The following FKBP1A variants were observed in gnomAD, a reference collection of about 807,000 sequenced individuals.
FKBP1A encodes the protein FKBP prolyl isomerase 1A.
In FKBP1A, 5 loss-of-function variants were observed where a neutral mutation model predicts 14.2. The ratio of observed to expected loss-of-function variants is 0.35; its 90% CI spans 0.18 to 0.74. FKBP1A has a LOEUF of 0.74. FKBP1A is among the 30% of genes least tolerant of loss of function. FKBP1A has a pLI of 0.56. For missense variants in FKBP1A, 53 were observed against 138.8 expected (o/e 0.38, Z 3.10); for synonymous variants, 42 against 49.1 (o/e 0.86, Z 0.60).
rs1051330018 is a variant in FKBP1A, at chr20:1,379,785, G to C, written c.86-4182C>G. On this transcript the variant is annotated intron_variant, in intron 2 of 4. Transcript: ENST00000400137. This position sits in a 1 kb window ranked among gnomAD's most constrained non-coding sequence, Gnocchi z 4.3. ...AGCTAAACAATAATCCCCCGAAATG[G>C]GTGGGGTGGTATGTGATTAAGTGGG... Among the ~76,000 whole-genome samples, 2 of 152,136 alleles carry C rather than the reference G, an allele frequency of 1.3e-5. No individual in the cohort carries two copies. The highest frequency in any genetic ancestry group is 4.8e-5 in the African/African-American group (2 of 41,440).
At chr20:1,385,479 T>A (rs990864568) in intron 2 of FKBP1A, among the ~76,000 whole-genome samples, 1 of 152,126 alleles carries the variant, frequency 6.6e-6, no homozygotes, top group Non-Finnish European at 1.5e-5. Context: ...GTTAAAGGCA[T>A]GAGTTCTGGA....
intron 3 of FKBP1A, among the ~76,000 whole-genome samples, chr20:1,374,044 A>G (rs2089505361): frequency 6.6e-6 from 1 of 152,226 alleles, no homozygotes; most frequent in Non-Finnish European, 1.5e-5. Flanking sequence ...GAAGTAGAGC[A>G]ATGTGTATTC....
Position 1,392,992 on chromosome 20 carries a change from C to T in FKBP1A, c.7G>A (p.Val3Met). The change falls in exon 1 of 5, where the codon GTG becomes ATG. Residue 3 changes from valine to methionine, a missense_variant. Physicochemically the swap from Val to Met is conservative, Grantham distance 21 (BLOSUM62 1). Coordinates refer to ENST00000400137, the MANE Select transcript of FKBP1A (RefSeq NM_000801.5). Reference protein sequence around the residue: MGVQVETISPGDG... With the variant: MGMQVETISPGDG... ...CCTGGGGAGATGGTTTCCACCTGCACTCCCATGGCGGCGGCGGACGCTGAG... is the reference window on the plus strand; with the variant it reads ...CCTGGGGAGATGGTTTCCACCTGCATTCCCATGGCGGCGGCGGACGCTGAG... 1 of 1,477,636 alleles carries T rather than the reference C, an allele frequency of 6.8e-7. No homozygotes were observed. Among genetic ancestry groups the T allele is most frequent in the Non-Finnish European group, 8.9e-7 (1 of 1,120,158 alleles). The allele number at this position is 1,477,636 out of a possible 1,614,324, so 91.5% of individuals were successfully genotyped here.
At chr20:1,391,190 G>C (rs1339767639) in intron 2 of FKBP1A, among the ~76,000 whole-genome samples, 1 of 152,180 alleles carries the variant, frequency 6.6e-6, no homozygotes, top group African/African-American at 2.4e-5. Flanking sequence ...GTACAAGCTA[G>C]GGTGGGGAGG....
chr20:1,376,257 G>A (rs1027633802), intron 2 of FKBP1A, among the ~76,000 whole-genome samples: 12 of 152,348 alleles, frequency 7.9e-5, no homozygotes, highest in African/African-American at 2.9e-4. Flanking sequence ...ACACCAACAG[G>A]GAACCTGGGG....
chr20:1,383,541 G>A (rs2089638726), intron 2 of FKBP1A, among the ~76,000 whole-genome samples: 2 of 152,082 alleles, frequency 1.3e-5, no homozygotes. Context: ...CTGCGGAGGA[G>A]GCTCATGCCT....
chr20:1,389,045 AT>A (rs908255731), intron 2 of FKBP1A, among the ~76,000 whole-genome samples: 1 of 151,946 alleles, frequency 6.6e-6, no homozygotes, highest in African/African-American at 2.4e-5. Flanking sequence ...TTAAAATGCC[AT>A]TTTTTTCAGA....
At chr20:1,371,226 C>T (rs2089460040) in intron 4 of FKBP1A, 1 of 984,446 alleles carries the variant, frequency 1.0e-6, no homozygotes, top group Middle Eastern at 5.2e-4. Context: ...CTTAATGATT[C>T]TAACACTTAC....
At chr20:1,374,903 C>A (rs1166926481) in intron 3 of FKBP1A, among the ~76,000 whole-genome samples, 2 of 152,222 alleles carry the variant, frequency 1.3e-5, no homozygotes, top group Non-Finnish European at 2.9e-5. Context: ...ATGGCACAAT[C>A]TTGGCTCACT....
chr20:1,383,604 G>C (rs995400376), intron 2 of FKBP1A, among the ~76,000 whole-genome samples: 10 of 150,022 alleles, frequency 6.7e-5, no homozygotes. Flanking sequence ...GAGGCCAGGA[G>C]TTTGAGACTG....
At chr20:1,388,539 C>T (rs1359166915) in intron 2 of FKBP1A, among the ~76,000 whole-genome samples, 1 of 152,194 alleles carries the variant, frequency 6.6e-6, no homozygotes, top group Non-Finnish European at 1.5e-5. Context: ...ACAATTTGTT[C>T]AAGCTCTCAT....
intron 3 of FKBP1A, 50 bp from the exon 4 acceptor site, chr20:1,372,290 G>A (rs1217264121): frequency 6.3e-7 from 1 of 1,592,486 alleles, no homozygotes; most frequent in African/African-American, 1.3e-5. Context: ...TGCCCCAACT[G>A]TCTCTGTAAG....
intron 4 of FKBP1A, 62 bp downstream of exon 4, chr20:1,372,014 G>C: frequency 1.2e-5 from 19 of 1,558,664 alleles, no homozygotes; most frequent in Non-Finnish European, 1.6e-5. Flanking sequence ...CCCATCAAAC[G>C]CTGGGCATAA....
intron 2 of FKBP1A, among the ~76,000 whole-genome samples, chr20:1,384,688 C>T (rs1361236002): frequency 6.6e-6 from 1 of 152,100 alleles, no homozygotes; most frequent in Non-Finnish European, 1.5e-5. Flanking sequence ...CTTATTATTC[C>T]ATTTCTGGGT....
At chr20:1,376,400 A>G (rs1393484080) in intron 2 of FKBP1A, among the ~76,000 whole-genome samples, 1 of 152,242 alleles carries the variant, frequency 6.6e-6, no homozygotes, top group Non-Finnish European at 1.5e-5. Flanking sequence ...ATTTTATCCA[A>G]TGCTGCCCCA....
chr20:1,387,761 G>C (rs1178601342), intron 2 of FKBP1A, among the ~76,000 whole-genome samples: 1 of 152,096 alleles, frequency 6.6e-6, no homozygotes, highest in African/African-American at 2.4e-5. Context: ...GCCGGGATGG[G>C]AGTCTGGGAG....
At chr20:1,374,520 C>T (rs2089511539) in intron 3 of FKBP1A, 1 of 152,212 alleles carries the variant, frequency 6.6e-6, no homozygotes, top group Admixed American at 6.5e-5. Context: ...GATGCTGGGG[C>T]TGGGAGGAGA....
intron 4 of FKBP1A, 134 bp downstream of exon 4, chr20:1,371,942 C>T (rs1262945430): frequency 6.9e-7 from 1 of 1,443,836 alleles, no homozygotes; most frequent in Non-Finnish European, 9.1e-7. Context: ...TGAAAGGATA[C>T]TCAATACAGA....
intron 4 of FKBP1A, chr20:1,370,699 C>A: frequency 1.0e-6 from 1 of 985,402 alleles, no homozygotes; most frequent in Non-Finnish European, 1.2e-6. Flanking sequence ...GGGAGGGTTA[C>A]TCGGGGTGAC....
Sources: allele counts gnomAD v4.1 joint callset (sites outside exome capture counted in the v4.1 genomes callset), GRCh38; gene constraint gnomAD v4.1.1; non-coding constraint Gnocchi (gnomAD v3.1); transcripts MANE v1.5; gene names NCBI Gene and HGNC (gene_info 2026-07-23, HGNC 2026-07-21).